TSHR: variants seen among roughly 807,000 people sequenced by gnomAD.
The protein encoded by TSHR is thyrotropin receptor.
A neutral mutation model predicts 64.1 loss-of-function variants in TSHR; 51 were observed. That is an observed-to-expected ratio of 0.80 (90% CI 0.64 to 1.01). TSHR has a LOEUF of 1.01. Among genes scored for constraint, TSHR ranks in the 50% least tolerant of loss-of-function variants. The pLI is 0.00. For missense variants in TSHR, 877 were observed against 942.8 expected (o/e 0.93, Z 0.91); for synonymous variants, 361 against 361.9 (o/e 1.00, Z 0.03).
chr14:81,109,501 A>G (rs1441868101), intron 8 of TSHR, among the ~76,000 whole-genome samples: 3 of 152,226 alleles, frequency 2.0e-5, no homozygotes, highest in Non-Finnish European at 4.4e-5. Flanking sequence ...TAGGGGCGAG[A>G]GGAAATATTA....
chr14:80,978,997 C>T (rs1888032567), intron 1 of TSHR, among the ~76,000 whole-genome samples: 1 of 152,202 alleles, frequency 6.6e-6, no homozygotes. Flanking sequence ...TTATTTCATC[C>T]AATTGCTCAC....
At chr14:81,129,380 C>A (rs563285728) in intron 8 of TSHR, among the ~76,000 whole-genome samples, 2 of 152,200 alleles carry the variant, frequency 1.3e-5, no homozygotes, top group African/African-American at 4.8e-5. Context: ...GACTTGTATA[C>A]GCAGCCAACT....
rs1447811195 is a variant in TSHR, at chr14:81,143,423, C to T, written c.1365C>T (p.Asn455=). ...ACGTCCCCCGCTTTCTCATGTGCAA[C>T]CTGGCCTTTGCGGATTTCTGCATGG... ...KLNVPRFLMC[N]LAFADFCMGM... is the part of the protein sequence containing the mutation. The change falls in exon 10 of 10, where the codon AAC becomes AAT. Residue 455 remains asparagine, a synonymous_variant. Coordinates refer to ENST00000298171, the MANE Select transcript of TSHR (RefSeq NM_000369.5). The T allele has an allele frequency of 1.2e-6, 2 of 1,614,094 alleles. No individual in the cohort carries two copies. The highest frequency in any genetic ancestry group is 1.7e-6 in the Non-Finnish European group (2 of 1,180,054).
chr14:81,015,777 C>A (rs1008887102), intron 1 of TSHR, among the ~76,000 whole-genome samples: 4 of 152,038 alleles, frequency 2.6e-5, no homozygotes, highest in Non-Finnish European at 5.9e-5. Context: ...ATTTCCCCAA[C>A]CCCTCATCCC....
At chr14:81,060,979 T>C (rs1461156561) in intron 1 of TSHR, among the ~76,000 whole-genome samples, 1 of 152,062 alleles carries the variant, frequency 6.6e-6, no homozygotes, top group Non-Finnish European at 1.5e-5. Flanking sequence ...ATGAGAACAG[T>C]CTCCACCTTC....
chr14:80,955,957 AGTGTGTGTATGTGTGAGTGAATGTCT>A, intron 1 of TSHR, 107 bp downstream of exon 1: 1 of 1,366,784 alleles, frequency 7.3e-7, no homozygotes, highest in Non-Finnish European at 1.0e-6. Flanking sequence ...GTAGTGTGTG[AGTGTGTGTATGTGTGAGTGAATGTCT>A]GTGTGTGTAG....
chr14:81,019,809 A>G (rs987662934), intron 1 of TSHR, among the ~76,000 whole-genome samples: 1 of 152,172 alleles, frequency 6.6e-6, no homozygotes, highest in Non-Finnish European at 1.5e-5. Context: ...TTATGGATGC[A>G]TAGTATTCTA....
intron 3 of TSHR, among the ~76,000 whole-genome samples, chr14:81,084,123 T>C (rs1353894843): frequency 6.6e-6 from 1 of 152,172 alleles, no homozygotes; most frequent in East Asian, 1.9e-4. Context: ...AAGATGAGAT[T>C]TGGGTGGGGA....
At chr14:81,112,046 G>A (rs1222560343) in intron 8 of TSHR, among the ~76,000 whole-genome samples, 2 of 151,910 alleles carry the variant, frequency 1.3e-5, no homozygotes, top group African/African-American at 4.8e-5. Context: ...CAAGTTAAGA[G>A]GATTTGTGAA....
intron 1 of TSHR, among the ~76,000 whole-genome samples, chr14:80,972,691 C>A (rs775073071): frequency 7.2e-5 from 11 of 152,126 alleles, no homozygotes; most frequent in Non-Finnish European, 1.5e-4. Flanking sequence ...TAGTGTACAG[C>A]CAGCACCTGT....
intron 8 of TSHR, among the ~76,000 whole-genome samples, chr14:81,114,163 T>G (rs1595137007): frequency 1.4e-5 from 2 of 145,646 alleles, no homozygotes; most frequent in African/African-American, 2.5e-5. Context: ...AAAGTATCAC[T>G]GGGGGGGAGG....
At chr14:81,121,939 T>G (rs1890811594) in intron 8 of TSHR, among the ~76,000 whole-genome samples, 1 of 147,070 alleles carries the variant, frequency 6.8e-6, no homozygotes, top group Middle Eastern at 3.6e-3. Context: ...CAAGACTCTG[T>G]CTCAAAAAAA....
At chr14:81,121,850 G>A (rs1369831735) in intron 8 of TSHR, among the ~76,000 whole-genome samples, 1 of 151,150 alleles carries the variant, frequency 6.6e-6, no homozygotes, top group Admixed American at 6.6e-5. Flanking sequence ...GCTGAGGTAG[G>A]AGAATCGTTT....
At chr14:80,972,740 C>T (rs1887645198) in intron 1 of TSHR, among the ~76,000 whole-genome samples, 2 of 152,168 alleles carry the variant, frequency 1.3e-5, no homozygotes. Context: ...CAAAGGGGAG[C>T]TCGTGCCGAT....
At chr14:80,993,130 GT>G (rs1888831027) in intron 1 of TSHR, 1 of 152,228 alleles carries the variant, frequency 6.6e-6, no homozygotes, top group Non-Finnish European at 1.5e-5. Context: ...AGGAGATCCA[GT>G]GTTGTCCCAG....
chr14:81,040,812 T>G (rs1387045318), intron 1 of TSHR, among the ~76,000 whole-genome samples: 1 of 151,858 alleles, frequency 6.6e-6, no homozygotes, highest in East Asian at 1.9e-4. Flanking sequence ...TTAAACAAAT[T>G]TACAGGAAAA....
At chr14:81,012,647 A>G (rs1299446115) in intron 1 of TSHR, 1 of 152,064 alleles carries the variant, frequency 6.6e-6, no homozygotes, top group Non-Finnish European at 1.5e-5. Flanking sequence ...CTGGTGTGAG[A>G]TGGTATCTCA....
chr14:81,125,743 G>A (rs763522850), intron 8 of TSHR, among the ~76,000 whole-genome samples: 16 of 152,032 alleles, frequency 1.1e-4, no homozygotes, highest in Non-Finnish European at 1.3e-4. Flanking sequence ...CACCGACTGT[G>A]AAATGAGTTG....
At chr14:81,091,166 T>A in intron 5 of TSHR, 23 bp downstream of exon 5, 1 of 1,593,932 alleles carries the variant, frequency 6.3e-7, no homozygotes, top group Non-Finnish European at 8.6e-7. Flanking sequence ...ACATGCCATG[T>A]TTGACAATAT....
Sources: gnomAD v4.1 joint callset for allele counts (sites outside exome capture counted in the v4.1 genomes callset) on GRCh38, gnomAD v4.1.1 for gene constraint, MANE v1.5 for transcripts, NCBI Gene and HGNC (gene_info 2026-07-23, HGNC 2026-07-21) for gene names.